The following PCDH9 variants were observed in gnomAD, a reference collection of about 807,000 sequenced individuals.
PCDH9 encodes protocadherin 9.
A neutral mutation model predicts 70.6 loss-of-function variants in PCDH9; 24 were observed. The observed-to-expected ratio is 0.34, with a 90% CI of 0.25 to 0.48. The LOEUF (loss-of-function observed/expected upper bound fraction) is 0.48, where lower values mean the gene tolerates loss of function less well. Among genes scored for constraint, PCDH9 ranks in the 20% least tolerant of loss-of-function variants. The pLI is 0.99. For synonymous variants in PCDH9, 562 were observed against 558.5 expected, an observed-to-expected ratio of 1.01 and a Z score of -0.09; for missense variants, 1,281 against 1,503.6, an observed-to-expected ratio of 0.85 and a Z score of 2.45.
intron 3 of PCDH9, among the ~76,000 whole-genome samples, chr13:66,888,491 G>GA (rs1295724814): frequency 1.4e-5 from 2 of 147,168 alleles, no homozygotes; most frequent in Admixed American, 1.4e-4. Context: ...CTGGGTGACA[G>GA]AAAAAAATAA....
chr13:66,724,773 A>T (rs2078984210), intron 3 of PCDH9, among the ~76,000 whole-genome samples: 1 of 152,086 alleles, frequency 6.6e-6, no homozygotes, highest in Non-Finnish European at 1.5e-5. Flanking sequence ...CTATGTTAAC[A>T]ACCACCAATC....
chr13:66,590,087 G>A (rs115623874), intron 4 of PCDH9, among the ~76,000 whole-genome samples: 1 of 151,992 alleles, frequency 6.6e-6, no homozygotes, highest in Admixed American at 6.6e-5. Context: ...TGCACACAAA[G>A]TTTCATCATC....
intron 2 of PCDH9, among the ~76,000 whole-genome samples, chr13:67,169,692 C>T (rs984285211): frequency 6.6e-6 from 1 of 152,118 alleles, no homozygotes; most frequent in Non-Finnish European, 1.5e-5. Context: ...AAAAATTCAA[C>T]AAAGTGTATC....
At chr13:66,410,778 A>G (rs750669881) in intron 4 of PCDH9, among the ~76,000 whole-genome samples, 2 of 152,226 alleles carry the variant, frequency 1.3e-5, no homozygotes, top group African/African-American at 4.8e-5. Flanking sequence ...GTCAGCTACC[A>G]TAGTAGAAAA....
At chr13:67,016,157 A>G (rs962517839) in intron 2 of PCDH9, among the ~76,000 whole-genome samples, 5 of 152,164 alleles carry the variant, frequency 3.3e-5, no homozygotes, top group African/African-American at 4.8e-5. Flanking sequence ...AAGAATTTTC[A>G]TAAGTATCAT....
At chr13:67,206,353 A>T (rs2089345383) in intron 2 of PCDH9, 1 of 152,172 alleles carries the variant, frequency 6.6e-6, no homozygotes, top group East Asian at 1.9e-4. Context: ...TTTAGTAGAG[A>T]CAGGGTTTCA....
chr13:66,313,745 C>T (rs1470295363), intron 4 of PCDH9, among the ~76,000 whole-genome samples: 1 of 152,172 alleles, frequency 6.6e-6, no homozygotes, highest in African/African-American at 2.4e-5. Flanking sequence ...AATATAACTT[C>T]AGCCTTGTTT....
At chr13:67,088,242 G>C (rs1214314096) in intron 2 of PCDH9, among the ~76,000 whole-genome samples, 1 of 151,814 alleles carries the variant, frequency 6.6e-6, no homozygotes. Context: ...ATGCCTCTTG[G>C]ATCTCAAATC....
intron 2 of PCDH9, among the ~76,000 whole-genome samples, chr13:66,977,167 T>A (rs911733701): frequency 1.6e-4 from 24 of 152,166 alleles, no homozygotes; most frequent in African/African-American, 5.1e-4. Context: ...TTTGCTCTTT[T>A]TGAATGGTAC....
intron 4 of PCDH9, among the ~76,000 whole-genome samples, chr13:66,476,371 A>G (rs1337026994): frequency 1.3e-5 from 2 of 152,224 alleles, no homozygotes; most frequent in African/African-American, 4.8e-5. Flanking sequence ...ACTTTATTAC[A>G]TAGAGATAGA....
intron 4 of PCDH9, among the ~76,000 whole-genome samples, chr13:66,575,474 G>T (rs1400645544): frequency 6.6e-5 from 10 of 151,974 alleles, no homozygotes; most frequent in Non-Finnish European, 1.5e-4. Context: ...ACTGGTTTTG[G>T]AATAATGCTG....
At chr13:66,466,923 C>T (rs900818341) in intron 4 of PCDH9, among the ~76,000 whole-genome samples, 2 of 151,906 alleles carry the variant, frequency 1.3e-5, no homozygotes, top group South Asian at 2.1e-4. Flanking sequence ...TGTTTAAATT[C>T]GAATGCTGTT....
At chr13:66,905,023 A>G (rs1250393259) in intron 2 of PCDH9, among the ~76,000 whole-genome samples, 4 of 152,056 alleles carry the variant, frequency 2.6e-5, no homozygotes, top group South Asian at 2.1e-4. Context: ...GCGTCATTCA[A>G]CAAATGGTGA....
intron 3 of PCDH9, among the ~76,000 whole-genome samples, chr13:66,819,268 T>C (rs1183420710): frequency 6.6e-6 from 1 of 151,924 alleles, no homozygotes; most frequent in Non-Finnish European, 1.5e-5. Flanking sequence ...GCTTTATTAC[T>C]TATGTACCCC....
At chr13:66,583,727 A>G (rs1298065479) in intron 4 of PCDH9, among the ~76,000 whole-genome samples, 1 of 152,220 alleles carries the variant, frequency 6.6e-6, no homozygotes, top group African/African-American at 2.4e-5. Flanking sequence ...TACTCCACGG[A>G]AAAGCGTAAG....
In PCDH9 at chr13:66,631,270, A is replaced by C. The variant is rs1384579298; in HGVS notation, c.3280T>G (p.Tyr1094Asp). 6.2e-7 allele frequency: 1 copy of C among 1,611,530 alleles called. No individual in the cohort carries two copies. Among genetic ancestry groups the C allele is most frequent in the South Asian group, 1.1e-5 (1 of 91,034 alleles). The change falls in exon 4 of 5, where the codon TAT (tyrosine) becomes GAT (aspartate). Residue 1094 changes from tyrosine (Y) to aspartate (D), a missense_variant. By Grantham distance (160) the Tyr-to-Asp change is radical. Transcript: ENST00000377865. ...LPLVQPQDEF[Y>D]DQASPDKRTE... The stretch of plus-strand genomic sequence containing the variant: ...CTCTTGTCCGGAGAGGCCTGGTCAT[A>C]GAATTCGTCCTGTGGCTGAACCAGA...
chr13:66,374,838 T>A (rs892874410), intron 4 of PCDH9, among the ~76,000 whole-genome samples: 4 of 152,104 alleles, frequency 2.6e-5, no homozygotes, highest in African/African-American at 9.7e-5. Context: ...ACAAGATGTA[T>A]TTCTTCATTG....
At chr13:66,362,075 G>T (rs542394916) in intron 4 of PCDH9, among the ~76,000 whole-genome samples, 1 of 152,140 alleles carries the variant, frequency 6.6e-6, no homozygotes, top group African/African-American at 2.4e-5. Context: ...CATCATTTTG[G>T]AACAAAATTA....
At chr13:66,484,156 A>G (rs927452592) in intron 4 of PCDH9, among the ~76,000 whole-genome samples, 4 of 152,128 alleles carry the variant, frequency 2.6e-5, no homozygotes, top group Admixed American at 1.3e-4. Flanking sequence ...TTCTTCCTCT[A>G]TACCAAGGCG....
Sources: allele counts gnomAD v4.1 joint callset (sites outside exome capture counted in the v4.1 genomes callset), GRCh38; gene constraint gnomAD v4.1.1; transcripts MANE v1.5; gene names NCBI Gene and HGNC (gene_info 2026-07-23, HGNC 2026-07-21).